ETFA: variants seen among roughly 807,000 people sequenced by gnomAD.
ETFA encodes electron transfer flavoprotein subunit alpha, also known as electron transfer flavoprotein subunit alpha, mitochondrial.
Under a neutral mutation model 46.2 loss-of-function variants are expected in ETFA, and 22 were observed. The ratio of observed to expected loss-of-function variants is 0.48; its 90% CI spans 0.34 to 0.68. ETFA has a LOEUF of 0.68. Ranked by LOEUF, ETFA falls within the 30% of genes least tolerant of loss-of-function variation. ETFA has a pLI of 0.01. For synonymous variants in ETFA, 131 were observed against 139.9 expected (o/e 0.94, Z 0.45); for missense variants, 345 against 401.1 (o/e 0.86, Z 1.19).
At chr15:76,240,678 T>G (rs2039176736) in intron 9 of ETFA, among the ~76,000 whole-genome samples, 2 of 152,104 alleles carry the variant, frequency 1.3e-5, no homozygotes, top group Non-Finnish European at 2.9e-5. Context: ...GTTTTCTAAT[T>G]GTAGATTTCA....
chr15:76,217,139 A>G (rs2038904723), intron 11 of ETFA, among the ~76,000 whole-genome samples: 2 of 152,126 alleles, frequency 1.3e-5, no homozygotes, highest in Non-Finnish European at 2.9e-5. Context: ...TTTGTGACCC[A>G]ACCACAAATT....
At chr15:76,218,731 A>G (rs2038924724) in intron 11 of ETFA, among the ~76,000 whole-genome samples, 1 of 152,234 alleles carries the variant, frequency 6.6e-6, no homozygotes, top group Non-Finnish European at 1.5e-5. Context: ...CCTACTCAGT[A>G]AGACCCAATA....
At chr15:76,259,466 G>T in intron 9 of ETFA, 1 of 910,188 alleles carries the variant, frequency 1.1e-6, no homozygotes. Flanking sequence ...GCTGTTTCAG[G>T]TGATTCCCGC....
intron 9 of ETFA, among the ~76,000 whole-genome samples, chr15:76,252,952 G>A (rs183931826): frequency 9.1e-4 from 136 of 149,170 alleles, no homozygotes; most frequent in Middle Eastern, 7.1e-3. Context: ...ATGCAAGCTG[G>A]AGTGCAGTGG....
At chr15:76,259,573 C>A in intron 9 of ETFA, 1 of 1,056,230 alleles carries the variant, frequency 9.5e-7, no homozygotes, top group Non-Finnish European at 1.5e-6. Context: ...AAGGCCCACA[C>A]ATCACTGTGC....
intron 9 of ETFA, among the ~76,000 whole-genome samples, chr15:76,249,443 T>C (rs1252939572): frequency 1.0e-4 from 14 of 139,966 alleles, no homozygotes; most frequent in Admixed American, 8.5e-4. Flanking sequence ...TAATTTTTTT[T>C]TTTTTTTTTT....
At chr15:76,280,752 TTTCCA>T (rs901321857) in intron 8 of ETFA, among the ~76,000 whole-genome samples, 9 of 152,148 alleles carry the variant, frequency 5.9e-5, no homozygotes, top group Admixed American at 3.9e-4. Context: ...TCTTTTGCAC[TTTCCA>T]TTCCAACACT....
chr15:76,239,073 A>T (rs1242816319), intron 9 of ETFA, among the ~76,000 whole-genome samples: 1 of 152,232 alleles, frequency 6.6e-6, no homozygotes, highest in African/African-American at 2.4e-5. Context: ...TGTACTGTCT[A>T]TGTTACGCCA....
chr15:76,229,478 G>A (rs2039042520), intron 10 of ETFA, among the ~76,000 whole-genome samples: 1 of 152,232 alleles, frequency 6.6e-6, no homozygotes, highest in Non-Finnish European at 1.5e-5. Flanking sequence ...GGCATGGGGT[G>A]AGAATTTTCA....
At chr15:76,304,055 T>G (rs556560729) in intron 1 of ETFA, among the ~76,000 whole-genome samples, 37 of 152,222 alleles carry the variant, frequency 2.4e-4, no homozygotes, top group Non-Finnish European at 5.0e-4. Context: ...ATGCAAGGGA[T>G]GGACTGGGTA....
At chr15:76,260,815 C>T in intron 9 of ETFA, 5 of 1,607,662 alleles carry the variant, frequency 3.1e-6, no homozygotes, top group South Asian at 1.1e-5. Flanking sequence ...GCACAGCACA[C>T]CCTGAGGCTG....
chr15:76,254,638 T>C (rs1013304743), intron 9 of ETFA, among the ~76,000 whole-genome samples: 1 of 152,186 alleles, frequency 6.6e-6, no homozygotes, highest in Non-Finnish European at 1.5e-5. Context: ...TTACCGTTTT[T>C]TTCTTTCATT....
chr15:76,266,485 T>C (rs557227979), intron 9 of ETFA, among the ~76,000 whole-genome samples: 3 of 152,322 alleles, frequency 2.0e-5, no homozygotes, highest in Middle Eastern at 6.8e-3. Flanking sequence ...GAAGAATTGA[T>C]GTGCTACAAA....
chr15:76,310,370 A>G (rs990059716), intron 1 of ETFA, among the ~76,000 whole-genome samples: 4 of 4,492 alleles, frequency 8.9e-4, no homozygotes, highest in African/African-American at 1.9e-3. Flanking sequence ...CCATGCCCAG[A>G]AAAAAAAAAA....
chr15:76,265,700 T>C (rs2039464177), intron 9 of ETFA, among the ~76,000 whole-genome samples: 1 of 152,232 alleles, frequency 6.6e-6, no homozygotes, highest in Non-Finnish European at 1.5e-5. Flanking sequence ...TCCTGTCAAT[T>C]TATGGGGTAG....
At chr15:76,259,176 T>C in intron 9 of ETFA, 2 of 1,514,420 alleles carry the variant, frequency 1.3e-6, no homozygotes, top group Admixed American at 1.7e-5. Context: ...AGATCCACTG[T>C]AGGGCTGATC....
chr15:76,295,786 G>GT lies in ETFA; in HGVS notation c.40-50dup, dbSNP rs59517673. On this transcript the variant is annotated intron_variant, in intron 1 of 11. Transcript: ENST00000557943. ...AAAAGGTAAAGAATGTTGTCACAGG[G>GT]TTTTTTTTTTTTTTTTTACTAATTG... 181,523 of 1,078,914 alleles carry GT rather than the reference G, an allele frequency of 0.17. 844 individuals carry two copies. Among genetic ancestry groups the GT allele is most frequent in the South Asian group, 0.22 (14,092 of 64,922 alleles). The allele number at this position is 1,078,914 out of a possible 1,614,324, so 66.8% of individuals were successfully genotyped here.
chr15:76,243,287 A>T (rs897391109), intron 9 of ETFA, among the ~76,000 whole-genome samples: 1 of 151,958 alleles, frequency 6.6e-6, no homozygotes, highest in Non-Finnish European at 1.5e-5. Flanking sequence ...AAAAGAAAAG[A>T]AAAAGAAAAA....
chr15:76,221,612 A>G (rs1441442303), intron 11 of ETFA, among the ~76,000 whole-genome samples: 6 of 152,226 alleles, frequency 3.9e-5, no homozygotes, highest in Non-Finnish European at 2.9e-5. Context: ...AGGCAGGCTA[A>G]TATTTGTCAC....
Sources: allele counts gnomAD v4.1 joint callset (sites outside exome capture counted in the v4.1 genomes callset), GRCh38; gene constraint gnomAD v4.1.1; transcripts MANE v1.5; gene names NCBI Gene and HGNC (gene_info 2026-07-23, HGNC 2026-07-21).